The following COPG1 variants were observed in gnomAD, a reference collection of about 807,000 sequenced individuals.
COPG1 encodes coat protein complex I subunit gamma 1.
A neutral mutation model predicts 102.8 loss-of-function variants in COPG1; 29 were observed. The observed-to-expected ratio is 0.28, with a 90% CI of 0.21 to 0.38. The LOEUF (loss-of-function observed/expected upper bound fraction) is 0.38. COPG1 is among the 10% of genes least tolerant of loss of function. The pLI, the probability that COPG1 is intolerant of heterozygous loss-of-function variation, is 1.00. For missense variants in COPG1, 875 were observed against 1,132.7 expected, an observed-to-expected ratio of 0.77 and a Z score of 3.27; for synonymous variants, 406 against 421.6, an observed-to-expected ratio of 0.96 and a Z score of 0.45.
chr3:129,272,508 T>G, intron 20 of COPG1, 93 bp downstream of exon 20: 1 of 1,019,044 alleles, frequency 9.8e-7, no homozygotes, highest in East Asian at 2.6e-5. Context: ...TGCCTTCTAT[T>G]AGAGCTTCAG....
rs138551302 is a variant in COPG1, at chr3:129,271,557, G to T, written c.1844-210G>T. 6.6e-6 allele frequency among the ~76,000 whole-genome samples: 1 copy of T among 152,280 alleles called. No individual in the cohort carries two copies. Among genetic ancestry groups the T allele is most frequent in the African/African-American group, 2.4e-5 (1 of 41,554 alleles). ...TGGTACAGAGATGGGGAGAGTATTTGTGGGGGGTTGTGCCACATGAGCGAA... is the reference window on the plus strand; with the variant it reads ...TGGTACAGAGATGGGGAGAGTATTTTTGGGGGGTTGTGCCACATGAGCGAA... On this transcript the variant is annotated intron_variant, in intron 18 of 23. Transcript: ENST00000314797. The surrounding 1 kb of genome is among the most constrained non-coding windows in gnomAD (Gnocchi z 4.7).
Position 129,264,098 on chromosome 3 carries a change from G to A in COPG1, c.1224+99G>A. 3.0e-6 allele frequency: 3 copies of A among 996,988 alleles called. No homozygotes were observed. In the South Asian group the frequency reaches 4.0e-5, roughly 13 times the overall value. 61.8% of individuals were successfully genotyped at this position (996,988 alleles called of 1,614,324 possible). ...CAGCTTTGTGCGTGTGCTTATGTTA[G>A]CCTGTTAACCAACTGGTTTTCATGG... On this transcript the variant is annotated intron_variant, in intron 13 of 23. Transcript: ENST00000314797.
At position 129,277,589 on chromosome 3, in the gene COPG1, A is replaced by G. The variant is rs1177800607; in HGVS notation, c.*165A>G. ...CTGCTCCCACCTCCCACCCGGGACT[A>G]CTTGCTGGTGACTTTTTTTTTTTTT... On this transcript the variant is annotated 3_prime_UTR_variant, in exon 24 of 24. Transcript: ENST00000314797. The G allele has an allele frequency of 7.4e-6, 4 of 537,300 alleles. No individual in the cohort carries two copies. Among genetic ancestry groups the G allele is most frequent in the Middle Eastern group, 5.4e-4 (1 of 1,856 alleles). The allele number at this position is 537,300 out of a possible 1,614,324, so 33.3% of individuals were successfully genotyped here. A position where few individuals can be genotyped will look rare whatever the true frequency, so the allele number is the denominator to read the frequency against.
intron 16 of COPG1, 61 bp from the exon 17 acceptor site, chr3:129,268,434 G>T: frequency 1.9e-6 from 3 of 1,586,620 alleles, no homozygotes; most frequent in Non-Finnish European, 2.6e-6. Flanking sequence ...GGCCTCCATG[G>T]TGGTCCCTGG....
At chr3:129,268,873 C>T in intron 17 of COPG1, 59 bp from the exon 18 acceptor site, 1 of 1,484,584 alleles carries the variant, frequency 6.7e-7, no homozygotes, top group South Asian at 1.1e-5. Context: ...CTGGGGTCAC[C>T]ACCACACTGC....
At chr3:129,265,505 C>T in intron 13 of COPG1, 44 bp from the exon 14 acceptor site, 1 of 1,604,060 alleles carries the variant, frequency 6.2e-7, no homozygotes, top group African/African-American at 1.3e-5. Context: ...CAACTCTTTT[C>T]TGGAGAGAGC....
intron 12 of COPG1, among the ~76,000 whole-genome samples, chr3:129,262,518 G>T (rs1193206955): frequency 6.6e-6 from 1 of 152,042 alleles, no homozygotes; most frequent in Non-Finnish European, 1.5e-5. Flanking sequence ...CTCCCAAAGT[G>T]CTGGGATTAC....
intron 10 of COPG1, 119 bp from the exon 11 acceptor site, chr3:129,260,214 T>A (rs928016043): frequency 1.1e-6 from 1 of 874,512 alleles, no homozygotes; most frequent in Non-Finnish European, 1.9e-6. Flanking sequence ...TGGGTTGGGA[T>A]GGGGGTGTCA....
At position 129,252,926 on chromosome 3, in the gene COPG1, T is replaced by C. The variant is rs1939730812; in HGVS notation, c.294T>C (p.Ile98=). The C allele has an allele frequency of 6.2e-7, 1 of 1,614,074 alleles. No individual in the cohort carries two copies. The highest frequency in any genetic ancestry group is 1.1e-5 in the South Asian group (1 of 91,080). Residue 98 remains isoleucine, a synonymous_variant, in exon 5 of 24, where the codon ATT becomes ATC. Transcript: ENST00000314797. ...TGACCATCAAGGAGATGTCTTGCAT[T>C]GCAGAGGATGTCATCATTGTCACCA... ...CYLTIKEMSC[I]AEDVIIVTSS...
intron 1 of COPG1, among the ~76,000 whole-genome samples, chr3:129,250,398 T>A (rs1939669135): frequency 6.6e-6 from 1 of 152,158 alleles, no homozygotes; most frequent in African/African-American, 2.4e-5. Flanking sequence ...GGGACTTAGT[T>A]AATTACAAGT....
intron 2 of COPG1, among the ~76,000 whole-genome samples, chr3:129,251,371 TTATATATATATA>T (rs58203832): frequency 6.8e-6 from 1 of 146,676 alleles, no homozygotes; most frequent in Non-Finnish European, 1.5e-5. Context: ...TATATATTTT[TTATATATATATA>T]TATATGTATT....
At chr3:129,255,687 T>C (rs1194649688) in intron 7 of COPG1, among the ~76,000 whole-genome samples, 1 of 150,440 alleles carries the variant, frequency 6.6e-6, no homozygotes, top group Admixed American at 6.6e-5. Context: ...TTCACCATGT[T>C]GGTCAGGCTG....
chr3:129,268,003 G>A lies in COPG1; in HGVS notation c.1611G>A (p.Gln537=), dbSNP rs749215148. 3.0e-5 allele frequency: 49 copies of A among 1,614,004 alleles called. No individual in the cohort carries two copies. The highest frequency in any genetic ancestry group is 1.6e-4 in the Middle Eastern group (1 of 6,084). Residue 537 remains glutamine (Q), a synonymous_variant, in exon 16 of 24, where the codon CAG becomes CAA. Transcript: ENST00000314797. ...CCTTCTACCTAAATGTCCTGGAGCA[G>A]AAGCAGAAGGCCCTTAATGCAGGCT... is the stretch of plus-strand genomic sequence containing the variant. ...RATFYLNVLE[Q]KQKALNAGYI...
chr3:129,255,506 A>T (rs1463974830), intron 7 of COPG1, among the ~76,000 whole-genome samples: 1 of 120,844 alleles, frequency 8.3e-6, no homozygotes, highest in African/African-American at 3.3e-5. Flanking sequence ...TTTTTGAGAC[A>T]GAGTCTCACT....
Position 129,257,740 on chromosome 3 carries a change from C to G in COPG1, c.751C>G (p.Leu251Val), listed in dbSNP as rs1939842738. 6.2e-7 allele frequency: 1 copy of G among 1,614,138 alleles called. No individual in the cohort carries two copies. ...EEEDGSRDSP[L>V]FDFIESCLRN... Reference sequence around the variant, plus strand: ...GTTCTTTTGTAGCCGTGACAGCCCACTGTTTGACTTCATCGAGAGCTGCTT... The same window carrying G: ...GTTCTTTTGTAGCCGTGACAGCCCAGTGTTTGACTTCATCGAGAGCTGCTT... The change falls in exon 10 of 24, where the codon CTG becomes GTG. Residue 251 changes from leucine to valine, a missense_variant. Physicochemically the swap from Leu to Val is conservative, Grantham distance 32. Coordinates refer to ENST00000314797, the MANE Select transcript of COPG1 (RefSeq NM_016128.4).
intron 19 of COPG1, 116 bp downstream of exon 19, chr3:129,272,025 A>G: frequency 8.0e-7 from 1 of 1,245,204 alleles, no homozygotes; most frequent in Non-Finnish European, 1.1e-6. Context: ...GCCCAACTTG[A>G]TGACAGAATC....
chr3:129,273,214 G>A (rs1347296996), intron 21 of COPG1, among the ~76,000 whole-genome samples: 1 of 152,096 alleles, frequency 6.6e-6, no homozygotes, highest in East Asian at 1.9e-4. Context: ...GGTAGAGATA[G>A]GGTTTCACCA....
rs749511220 is a variant in COPG1 at position 129,260,708 on chromosome 3, G to A, written c.1029G>A (p.Leu343=). Reference sequence around the variant, plus strand: ...ATTCAAACCGCAGCATTGCCACGCTGGCCATCACCACCCTCCTTAAGACGG... The same window carrying A: ...ATTCAAACCGCAGCATTGCCACGCTAGCCATCACCACCCTCCTTAAGACGG... ...VTDSNRSIAT[L]AITTLLKTGS... is the part of the protein sequence containing the mutation. The change falls in exon 12 of 24, where the codon CTG becomes CTA. Residue 343 remains leucine, a synonymous_variant. Coordinates refer to ENST00000314797, the MANE Select transcript of COPG1 (RefSeq NM_016128.4). 6.2e-7 allele frequency: 1 copy of A among 1,613,826 alleles called. No homozygotes were observed. The highest frequency in any genetic ancestry group is 1.7e-5 in the Admixed American group (1 of 60,016).
intron 7 of COPG1, among the ~76,000 whole-genome samples, chr3:129,255,650 T>C (rs1939795278): frequency 6.6e-6 from 1 of 151,352 alleles, no homozygotes; most frequent in Non-Finnish European, 1.5e-5. Flanking sequence ...GCCCAACTGA[T>C]TTTTGTATTT....
Sources: allele counts gnomAD v4.1 joint callset (sites outside exome capture counted in the v4.1 genomes callset), GRCh38; gene constraint gnomAD v4.1.1; non-coding constraint Gnocchi (gnomAD v3.1); transcripts MANE v1.5; gene names NCBI Gene and HGNC (gene_info 2026-07-23, HGNC 2026-07-21).